The following PRRC2B variants were observed in gnomAD, a reference collection of about 807,000 sequenced individuals.
The protein encoded by PRRC2B is protein PRRC2B.
PRRC2B carries 68 observed loss-of-function variants against 242.3 expected under a neutral mutation model. The observed-to-expected ratio is 0.28, with a 90% CI of 0.23 to 0.34. PRRC2B has a LOEUF of 0.34. PRRC2B is among the 10% of genes least tolerant of loss of function. The probability of loss-of-function intolerance (pLI) is 1.00; values close to 1 mark genes in which losing one functional copy is unlikely to be tolerated. For missense variants in PRRC2B, 2,835 were observed against 2,954.8 expected, an observed-to-expected ratio of 0.96 and a Z score of 0.94; for synonymous variants, 1,228 against 1,173.6, an observed-to-expected ratio of 1.05 and a Z score of -0.95.
chr9:131,470,231 C>T (rs755126245), intron 13 of PRRC2B, among the ~76,000 whole-genome samples: 1 of 152,158 alleles, frequency 6.6e-6, no homozygotes, highest in African/African-American at 2.4e-5. Context: ...CCGTAGGTCA[C>T]GAGTAGCCTC....
In PRRC2B at chr9:131,495,926, C is replaced by T. The variant is rs1007722222; in HGVS notation, c.*52C>T. ...CCCTACTGAGGACGGTGCCGCCATG[C>T]GGCCTCGACACAGCCGACACTCGGG... On this transcript the variant is annotated 3_prime_UTR_variant, in exon 32 of 32. Transcript: ENST00000683519. The T allele has an allele frequency of 1.5e-5, 23 of 1,576,486 alleles. No individual in the cohort carries two copies. The Admixed American group carries it at 2.2e-4, about 15-fold the overall frequency.
intron 9 of PRRC2B, among the ~76,000 whole-genome samples, chr9:131,451,086 G>T (rs1942898288): frequency 6.6e-6 from 1 of 152,036 alleles, no homozygotes; most frequent in Non-Finnish European, 1.5e-5. Context: ...TTTTTTAAGG[G>T]TTTGCTGTCA....
At chr9:131,381,779 C>G (rs1836764295) in intron 1 of PRRC2B, among the ~76,000 whole-genome samples, 1 of 151,936 alleles carries the variant, frequency 6.6e-6, no homozygotes, top group Admixed American at 6.6e-5. Flanking sequence ...TCGCTCTGTC[C>G]CCCAGGCTGG....
intron 5 of PRRC2B, among the ~76,000 whole-genome samples, chr9:131,442,235 C>G (rs1838616155): frequency 6.6e-6 from 1 of 151,946 alleles, no homozygotes; most frequent in African/African-American, 2.4e-5. Context: ...TGGGCTCAAG[C>G]AATCTTCCCG....
intron 19 of PRRC2B, 48 bp downstream of exon 19, chr9:131,479,441 A>G (rs1943796237): frequency 6.3e-7 from 1 of 1,582,036 alleles, no homozygotes; most frequent in Non-Finnish European, 8.6e-7. Context: ...AGGTCACATC[A>G]CACACTGGGT....
At chr9:131,406,287 G>C (rs569575695) in intron 1 of PRRC2B, among the ~76,000 whole-genome samples, 56 of 152,248 alleles carry the variant, frequency 3.7e-4, no homozygotes, top group African/African-American at 1.3e-3. Context: ...GGTGCATCAG[G>C]GCTCTTCTGT....
intron 28 of PRRC2B, chr9:131,490,591 C>G (rs137880301): frequency 3.9e-6 from 2 of 518,966 alleles, no homozygotes; most frequent in Admixed American, 1.9e-5. Context: ...GCCCAGCCCC[C>G]CTACCCCATC....
chr9:131,454,885 C>T (rs1424999407), intron 9 of PRRC2B, among the ~76,000 whole-genome samples, 191 bp from the exon 10 acceptor site: 1 of 149,434 alleles, frequency 6.7e-6, no homozygotes, highest in East Asian at 1.9e-4. Flanking sequence ...CCGCCCACCT[C>T]AGCCTCGCAA....
At position 131,485,078 on chromosome 9, in the gene PRRC2B, T is replaced by G. The variant is rs1479284243; in HGVS notation, c.5696T>G (p.Phe1899Cys). The change falls in exon 25 of 32, where the codon TTC becomes TGC. Residue 1899 changes from phenylalanine to cysteine, a missense_variant. This residue lies in a region of PRRC2B where 574 missense variants were observed against 626.0 expected (regional missense o/e 0.92). Transcript: ENST00000683519. ...TCCAGCGGGGTCAACTACAGCTCCT[T>G]CGGTGGAGTGTCCATGCCACCCATG... Reference protein sequence around the residue: ...GASSGVNYSSFGGVSMPPMPV... With the variant: ...GASSGVNYSSCGGVSMPPMPV... 1.2e-6 allele frequency: 2 copies of G among 1,606,186 alleles called. No homozygotes were observed. The highest frequency in any genetic ancestry group is 2.7e-5 in the African/African-American group (2 of 74,744).
chr9:131,460,437 G>C (rs1192990248), intron 11 of PRRC2B, among the ~76,000 whole-genome samples: 1 of 152,128 alleles, frequency 6.6e-6, no homozygotes, highest in Non-Finnish European at 1.5e-5. Context: ...CCTTGGCAGG[G>C]ATCTTCAGGC....
At chr9:131,435,603 A>C (rs1838330712) in intron 3 of PRRC2B, among the ~76,000 whole-genome samples, 1 of 149,656 alleles carries the variant, frequency 6.7e-6, no homozygotes, top group South Asian at 2.1e-4. Context: ...CGGCAGAATG[A>C]GACTCCATCT....
intron 1 of PRRC2B, among the ~76,000 whole-genome samples, chr9:131,396,607 T>G (rs1837066809): frequency 6.6e-6 from 1 of 152,208 alleles, no homozygotes; most frequent in South Asian, 2.1e-4. Flanking sequence ...ATTACAGGCC[T>G]GAGCTACCGC....
intron 5 of PRRC2B, 44 bp downstream of exon 5, chr9:131,439,105 G>A (rs968797478): frequency 2.1e-5 from 32 of 1,559,784 alleles, no homozygotes; most frequent in East Asian, 6.8e-5. Context: ...GCTGGGGAGA[G>A]GGAGGTGAAT....
intron 1 of PRRC2B, among the ~76,000 whole-genome samples, chr9:131,386,015 CAG>C (rs1208085517): frequency 1.3e-5 from 2 of 150,448 alleles, no homozygotes; most frequent in Admixed American, 6.9e-5. Flanking sequence ...GTTGTCATCT[CAG>C]AGAGAAGTGC....
intron 3 of PRRC2B, among the ~76,000 whole-genome samples, chr9:131,433,443 T>G (rs1341118689): frequency 6.6e-6 from 1 of 152,206 alleles, no homozygotes; most frequent in African/African-American, 2.4e-5. Flanking sequence ...AGCCCCTGTG[T>G]GGTGGGCTGA....
rs1214234486 is a variant in PRRC2B at position 131,380,376 on chromosome 9, G to A, written c.-56+6645G>A. ...GCAGGTCACCTGAGGTCAGGATTTC[G>A]AGACCAGCCTGGGCAACATGGTGAA... On this transcript the variant is annotated intron_variant, in intron 1 of 1. Transcript: ENST00000682525. 5.3e-5 allele frequency among the ~76,000 whole-genome samples: 8 copies of A among 152,066 alleles called. No individual in the cohort carries two copies. In the East Asian group the frequency reaches 1.4e-3, roughly 26 times the overall value.
chr9:131,389,844 A>G (rs142781009), upstream of PRRC2B, among the ~76,000 whole-genome samples: 618 of 147,294 alleles, frequency 4.2e-3, 25 homozygotes, highest in Non-Finnish European at 6.8e-3. Context: ...GCAGGTAGAA[A>G]CTCTTAGGCA....
intron 1 of PRRC2B, among the ~76,000 whole-genome samples, chr9:131,420,220 G>A (rs1837765610): frequency 6.6e-6 from 1 of 152,012 alleles, no homozygotes. Context: ...CCACTCTGTG[G>A]TTTCCTCAAA....
At chr9:131,406,212 C>T (rs1249946314) in intron 1 of PRRC2B, among the ~76,000 whole-genome samples, 3 of 152,144 alleles carry the variant, frequency 2.0e-5, no homozygotes, top group African/African-American at 4.8e-5. Context: ...GATTTGGACC[C>T]GTAGCGCATT....
Sources: allele counts gnomAD v4.1 joint callset (sites outside exome capture counted in the v4.1 genomes callset), GRCh38; gene constraint gnomAD v4.1.1; regional missense constraint gnomAD v4.1.1; transcripts MANE v1.5; gene names NCBI Gene and HGNC (gene_info 2026-07-23, HGNC 2026-07-21).